EML6: variants seen among roughly 807,000 people sequenced by gnomAD.
EML6 encodes the protein echinoderm microtubule-associated protein-like 6.
A neutral mutation model predicts 240.1 loss-of-function variants in EML6; 154 were observed. The ratio of observed to expected loss-of-function variants is 0.64; its 90% CI spans 0.56 to 0.73. The LOEUF (loss-of-function observed/expected upper bound fraction) is 0.73. Ranked by LOEUF, EML6 falls within the 30% of genes least tolerant of loss-of-function variation. EML6 has a pLI of 0.00. For missense variants in EML6, 2,964 were observed against 2,474.6 expected, an observed-to-expected ratio of 1.20 and a Z score of -4.20; for synonymous variants, 1,148 against 899.0, an observed-to-expected ratio of 1.28 and a Z score of -4.95.
intron 22 of EML6, among the ~76,000 whole-genome samples, chr2:54,902,409 T>G (rs1673105902): frequency 6.6e-6 from 1 of 152,220 alleles, no homozygotes; most frequent in Admixed American, 6.5e-5. Flanking sequence ...TACTTAATTT[T>G]ATTTTCTTGA....
intron 29 of EML6, among the ~76,000 whole-genome samples, chr2:54,949,334 T>C (rs1031405558): frequency 2.0e-5 from 3 of 152,212 alleles, no homozygotes; most frequent in Non-Finnish European, 2.9e-5. Context: ...TAATGTTGCC[T>C]GAGCCCCGAC....
At chr2:54,819,773 G>GA (rs375657743) in intron 4 of EML6, among the ~76,000 whole-genome samples, 63,337 of 122,982 alleles carry the variant, frequency 0.52, 16,399 homozygotes, top group East Asian at 0.7. Flanking sequence ...GACTGTCTCA[G>GA]AAAAAAAAAA....
At chr2:54,829,848 C>A (rs902741664) in intron 7 of EML6, among the ~76,000 whole-genome samples, 1 of 152,132 alleles carries the variant, frequency 6.6e-6, no homozygotes, top group African/African-American at 2.4e-5. Flanking sequence ...TTTTAAATAG[C>A]TTTAAAGTAG....
At chr2:54,877,190 C>A (rs1360235018) in intron 16 of EML6, among the ~76,000 whole-genome samples, 1 of 151,998 alleles carries the variant, frequency 6.6e-6, no homozygotes, top group African/African-American at 2.4e-5. Context: ...CCTCATGTTG[C>A]CCAGGCTGAT....
intron 13 of EML6, 60 bp from the exon 14 acceptor site, chr2:54,866,706 C>A: frequency 2.2e-6 from 2 of 890,004 alleles, no homozygotes; most frequent in Non-Finnish European, 1.7e-6. Flanking sequence ...TGTCAAGATG[C>A]TGATATTTTT....
At chr2:54,934,582 C>T (rs1412350486) in intron 28 of EML6, among the ~76,000 whole-genome samples, 1 of 152,038 alleles carries the variant, frequency 6.6e-6, no homozygotes, top group Non-Finnish European at 1.5e-5. Context: ...CTGGGTCTGG[C>T]TCTGTTGCCC....
intron 25 of EML6, 86 bp downstream of exon 25, chr2:54,911,128 A>C (rs550173169): frequency 3.0e-6 from 2 of 673,080 alleles, no homozygotes; most frequent in East Asian, 2.8e-5. Flanking sequence ...GTTAACCACT[A>C]ATATGGGTTA....
At chr2:54,760,423 C>G (rs1667925835) in intron 2 of EML6, among the ~76,000 whole-genome samples, 1 of 152,050 alleles carries the variant, frequency 6.6e-6, no homozygotes, top group Admixed American at 6.6e-5. Context: ...CTTCTAGGTT[C>G]TTTTGCTTTT....
At chr2:54,940,088 G>C (rs575318756) in intron 28 of EML6, among the ~76,000 whole-genome samples, 1 of 152,322 alleles carries the variant, frequency 6.6e-6, no homozygotes, top group South Asian at 2.1e-4. Flanking sequence ...ATTAGAAGTA[G>C]TTTCTAAGCC....
chr2:54,892,694 C>T, intron 19 of EML6, 38 bp downstream of exon 19: 1 of 1,495,260 alleles, frequency 6.7e-7, no homozygotes, highest in Non-Finnish European at 9.1e-7. Flanking sequence ...TCCTCATCAG[C>T]CTTCTAAAAT....
intron 7 of EML6, among the ~76,000 whole-genome samples, chr2:54,834,805 T>C (rs1669049597): frequency 6.6e-6 from 1 of 152,216 alleles, no homozygotes; most frequent in African/African-American, 2.4e-5. Context: ...GAACCTTCTC[T>C]GGTCAGGCCA....
At chr2:54,887,828 T>G (rs1672233852) in intron 17 of EML6, among the ~76,000 whole-genome samples, 1 of 152,208 alleles carries the variant, frequency 6.6e-6, no homozygotes, top group African/African-American at 2.4e-5. Flanking sequence ...CATTACCTCC[T>G]GCCTCCTCAT....
At chr2:54,959,054 GGACCCGCTTGA>G in intron 33 of EML6, 39 bp from the exon 34 acceptor site, 1 of 1,490,792 alleles carries the variant, frequency 6.7e-7, no homozygotes, top group Non-Finnish European at 9.0e-7. Context: ...GGCTGGGGAG[GGACCCGCTTGA>G]GTGTGTTCCG....
intron 2 of EML6, among the ~76,000 whole-genome samples, chr2:54,801,801 A>G (rs970644142): frequency 2.0e-5 from 3 of 152,242 alleles, no homozygotes; most frequent in Non-Finnish European, 2.9e-5. Context: ...TTAGAAAACT[A>G]TGAGGCCCTA....
intron 3 of EML6, among the ~76,000 whole-genome samples, chr2:54,815,260 C>T (rs2104066454): frequency 6.6e-6 from 1 of 152,280 alleles, no homozygotes; most frequent in South Asian, 2.1e-4. Context: ...TGGTACTTAA[C>T]TGTCAGGTGA....
Position 54,892,604 on chromosome 2 carries a change from A to G in EML6, c.2690A>G (p.Lys897Arg), listed in dbSNP as rs1413266513. The G allele has an allele frequency of 6.4e-7, 1 of 1,551,684 alleles. No homozygotes were observed. Among genetic ancestry groups the G allele is most frequent in the African/African-American group, 1.4e-5 (1 of 73,022 alleles). Reference protein sequence around the residue: ...IFIWKDILLLKTVKAHDGPVF... With the variant: ...IFIWKDILLLRTVKAHDGPVF... ...ATTTGGAAAGACATTCTACTACTGA[A>G]GACAGTGAAAGCTCATGATGGGCCT... Residue 897 changes from lysine (K) to arginine (R), a missense_variant, in exon 19 of 42, where the codon AAG becomes AGG. Physicochemically the swap from Lys to Arg is conservative, Grantham distance 26. Transcript: ENST00000356458.
At position 54,952,619 on chromosome 2, in the gene EML6, C is replaced by T; in HGVS notation, c.4239C>T (p.His1413=). The T allele has an allele frequency of 6.4e-7, 1 of 1,551,144 alleles. No homozygotes were observed. The highest frequency in any genetic ancestry group is 8.7e-7 in the Non-Finnish European group (1 of 1,146,716). The change falls in exon 31 of 42, where the codon CAC becomes CAT. Residue 1413 remains histidine, a synonymous_variant. Transcript: ENST00000356458. The part of the protein sequence containing the change: ...STGSQSFYLE[H]TDDILCLTVN... ...GGAGCCAGAGCTTCTATCTGGAGCA[C>T]ACAGATGACATCCTCTGTCTCACAG... is the stretch of plus-strand genomic sequence containing the variant.
intron 2 of EML6, among the ~76,000 whole-genome samples, chr2:54,752,328 TA>T (rs1385487138): frequency 2.6e-5 from 4 of 152,104 alleles, no homozygotes; most frequent in African/African-American, 9.7e-5. Flanking sequence ...AACACATATA[TA>T]AAAAAGTATA....
chr2:54,901,286 C>T (rs1296892753), intron 22 of EML6, among the ~76,000 whole-genome samples: 2 of 152,194 alleles, frequency 1.3e-5, no homozygotes, highest in Non-Finnish European at 2.9e-5. Flanking sequence ...ACACTATTTC[C>T]CTCTGCCGTG....
Sources: allele counts gnomAD v4.1 joint callset (sites outside exome capture counted in the v4.1 genomes callset), GRCh38; gene constraint gnomAD v4.1.1; transcripts MANE v1.5; gene names NCBI Gene and HGNC (gene_info 2026-07-23, HGNC 2026-07-21).